KIF26B: variants seen among roughly 807,000 people sequenced by gnomAD.
KIF26B encodes the protein kinesin-like protein KIF26B.
KIF26B carries 63 observed loss-of-function variants against 151.2 expected under a neutral mutation model. The observed-to-expected ratio is 0.42, with a 90% confidence interval of 0.34 to 0.51. The LOEUF (loss-of-function observed/expected upper bound fraction) is 0.51, where lower values mean the gene tolerates loss of function less well. Ranked by LOEUF, KIF26B falls within the 20% of genes least tolerant of loss-of-function variation. KIF26B has a pLI of 0.07. For synonymous variants in KIF26B, 1,357 were observed against 1,262.1 expected (o/e 1.08, Z -1.59); for missense variants, 2,813 against 2,913.6 (o/e 0.97, Z 0.79).
chr1:245,686,366 C>T lies in KIF26B; in HGVS notation c.3383C>T (p.Pro1128Leu), dbSNP rs373156923. ...CTGCAGCCCGAGGTGCGTACGCCCC[C>T]GGTTGGAATGAGCCCCCAGGTTTTG... is the stretch of plus-strand genomic sequence containing the variant. ...SLLQPEVRTP[P>L]VGMSPQVLKK... Residue 1128 changes from proline to leucine, a missense_variant, in exon 12 of 15, where the codon CCG becomes CTG. Around this residue, in one of 3 missense-constraint regions of KIF26B, gnomAD observed 2,060 missense variants for 2,088.6 expected, o/e 0.99. Coordinates refer to ENST00000407071, the MANE Select transcript of KIF26B (RefSeq NM_018012.4). This position sits in a 1 kb window ranked among gnomAD's most constrained non-coding sequence, Gnocchi z 5.6. 1.2e-4 allele frequency: 188 copies of T among 1,613,404 alleles called. No individual in the cohort carries two copies. The highest frequency in any genetic ancestry group is 1.5e-4 in the Non-Finnish European group (177 of 1,179,878).
intron 2 of KIF26B, among the ~76,000 whole-genome samples, chr1:245,174,639 T>C (rs539697686): frequency 2.4e-4 from 37 of 152,162 alleles, no homozygotes; most frequent in Non-Finnish European, 4.9e-4. Context: ...CCCAAGTAGC[T>C]GGGACTGCAG....
intron 4 of KIF26B, among the ~76,000 whole-genome samples, chr1:245,448,274 C>A (rs1659293552): frequency 6.6e-6 from 1 of 152,208 alleles, no homozygotes. Context: ...GTGGCATGAT[C>A]TTGGCTCACT....
intron 4 of KIF26B, among the ~76,000 whole-genome samples, chr1:245,462,153 AAAG>A (rs767788141): frequency 6.6e-5 from 10 of 152,282 alleles, no homozygotes; most frequent in East Asian, 1.9e-4. Flanking sequence ...AAAATGAAAA[AAAG>A]AAGAAGAAAT....
intron 2 of KIF26B, among the ~76,000 whole-genome samples, chr1:245,307,394 A>G (rs1326870545): frequency 6.8e-6 from 1 of 147,076 alleles, no homozygotes; most frequent in African/African-American, 2.5e-5. Context: ...TCTGCTAATG[A>G]ATGGGCCCCA....
intron 4 of KIF26B, among the ~76,000 whole-genome samples, chr1:245,504,843 T>C (rs1473333291): frequency 6.6e-6 from 1 of 152,192 alleles, no homozygotes; most frequent in Non-Finnish European, 1.5e-5. Flanking sequence ...ACAAAAGAAA[T>C]GGTAAAATTT....
rs2043453795 is a variant in KIF26B, at chr1:245,606,314, C to T, written c.1558-1337C>T. On this transcript the variant is annotated intron_variant, in intron 6 of 14. Coordinates refer to ENST00000407071, the MANE Select transcript of KIF26B (RefSeq NM_018012.4). This position sits in a 1 kb window ranked among gnomAD's most constrained non-coding sequence, Gnocchi z 4.6. ...CCAAATACTTGGGTTCACTGTGCTGCTGAATAACAACATTCACGGCCCAGG... is the reference window on the plus strand; with the variant it reads ...CCAAATACTTGGGTTCACTGTGCTGTTGAATAACAACATTCACGGCCCAGG... 1.3e-5 allele frequency among the ~76,000 whole-genome samples: 2 copies of T among 152,324 alleles called. No individual in the cohort carries two copies. Among genetic ancestry groups the T allele is most frequent in the African/African-American group, 4.8e-5 (2 of 41,578 alleles).
chr1:245,492,437 G>A (rs71636559), intron 4 of KIF26B, among the ~76,000 whole-genome samples: 5,038 of 152,278 alleles, frequency 0.033, 132 homozygotes, highest in Non-Finnish European at 0.05. Context: ...TCTTTAGGGA[G>A]ACCCTTCAAT....
At position 245,180,212 on chromosome 1, in the gene KIF26B, C is replaced by T. The variant is rs566652495; in HGVS notation, c.465+23529C>T. On this transcript the variant is annotated intron_variant, in intron 2 of 14. Coordinates refer to ENST00000407071, the MANE Select transcript of KIF26B (RefSeq NM_018012.4). ...ATGAAATATTGGAGGATGTCAGATCCTCCCCCATTTCTAAGAGTAGGAGAG... is the reference window on the plus strand; with the variant it reads ...ATGAAATATTGGAGGATGTCAGATCTTCCCCCATTTCTAAGAGTAGGAGAG... Among the ~76,000 whole-genome samples the T allele has an allele frequency of 6.6e-5, 10 of 152,312 alleles. No homozygotes were observed. In the East Asian group the frequency reaches 1.9e-3, roughly 29 times the overall value.
intron 10 of KIF26B, among the ~76,000 whole-genome samples, chr1:245,658,293 C>G (rs892835851): frequency 2.0e-5 from 3 of 151,636 alleles, no homozygotes; most frequent in African/African-American, 7.3e-5. Context: ...GGATTTCTAA[C>G]AAGTTTTTAA....
intron 5 of KIF26B, among the ~76,000 whole-genome samples, chr1:245,555,388 GCTT>G (rs1165882754): frequency 6.6e-6 from 1 of 152,164 alleles, no homozygotes; most frequent in Admixed American, 6.5e-5. Flanking sequence ...TCTTACGTGT[GCTT>G]CTTCTCACAT....
intron 3 of KIF26B, among the ~76,000 whole-genome samples, chr1:245,392,821 A>G (rs958180621): frequency 2.0e-5 from 3 of 150,614 alleles, no homozygotes; most frequent in African/African-American, 7.3e-5. Context: ...TTTTCCTTTC[A>G]TTTTCTTTTT....
chr1:245,355,595 C>CAAAA (rs34799952), intron 2 of KIF26B, among the ~76,000 whole-genome samples: 1 of 74,848 alleles, frequency 1.3e-5, no homozygotes, highest in Non-Finnish European at 3.4e-5. Context: ...GACCCTGTCT[C>CAAAA]AAAAAAAAAA....
At chr1:245,669,244 G>A (rs1288048981) in intron 10 of KIF26B, among the ~76,000 whole-genome samples, 3 of 152,242 alleles carry the variant, frequency 2.0e-5, no homozygotes, top group Admixed American at 6.5e-5. Flanking sequence ...CACTCTCATC[G>A]TTAGGCTCTC....
Position 245,286,845 on chromosome 1 carries a change from C to T in KIF26B, c.466-79989C>T, listed in dbSNP as rs531107019. Among the ~76,000 whole-genome samples the T allele has an allele frequency of 2.1e-3, 316 of 152,194 alleles. 2 individuals carry two copies. Among genetic ancestry groups the T allele is most frequent in the African/African-American group, 7.0e-3 (291 of 41,534 alleles). On this transcript the variant is annotated intron_variant, in intron 2 of 14. Transcript: ENST00000407071. ...AATTTTGGCTGGGTGCGGTGGCTCA[C>T]GCCTGTAATCCCAACACTTTGGGAG... is the stretch of plus-strand genomic sequence containing the variant.
At chr1:245,579,798 A>C (rs975891210) in intron 5 of KIF26B, among the ~76,000 whole-genome samples, 1 of 151,340 alleles carries the variant, frequency 6.6e-6, no homozygotes, top group African/African-American at 2.4e-5. Flanking sequence ...CGGTGAGCCG[A>C]GATTGCGCCA....
chr1:245,242,086 C>T (rs1409965717), intron 2 of KIF26B, among the ~76,000 whole-genome samples: 6 of 152,136 alleles, frequency 3.9e-5, no homozygotes, highest in Admixed American at 6.5e-5. Context: ...TCAAAGCTCA[C>T]GTTATTTTTA....
intron 4 of KIF26B, among the ~76,000 whole-genome samples, chr1:245,471,386 G>A (rs777159723): frequency 1.3e-5 from 2 of 152,024 alleles, no homozygotes; most frequent in East Asian, 1.9e-4. Flanking sequence ...CACCCACCTC[G>A]GCCTCCCAAA....
chr1:245,290,456 T>C (rs180697800), intron 2 of KIF26B, among the ~76,000 whole-genome samples: 1 of 152,238 alleles, frequency 6.6e-6, no homozygotes, highest in Non-Finnish European at 1.5e-5. Flanking sequence ...TGGTTATTTT[T>C]TCATGATATG....
At chr1:245,611,534 TAC>T (rs2043521220) in intron 8 of KIF26B, among the ~76,000 whole-genome samples, 1 of 152,246 alleles carries the variant, frequency 6.6e-6, no homozygotes, top group Non-Finnish European at 1.5e-5. Context: ...TTCCAGATTC[TAC>T]TTAGACTGTA....
Sources: gnomAD v4.1 joint callset for allele counts (sites outside exome capture counted in the v4.1 genomes callset) on GRCh38, gnomAD v4.1.1 for gene constraint, gnomAD v4.1.1 regional missense constraint, Gnocchi (gnomAD v3.1) non-coding constraint, MANE v1.5 for transcripts, NCBI Gene and HGNC (gene_info 2026-07-23, HGNC 2026-07-21) for gene names.